Variants in TXN observed in about 807,000 individuals in gnomAD.
The protein encoded by TXN is ADF.
A neutral mutation model predicts 16.5 loss-of-function variants in TXN; 10 were observed. The ratio of observed to expected loss-of-function variants is 0.61; its 90% CI spans 0.37 to 1.03. The LOEUF is 1.03. Among genes scored for constraint, TXN ranks in the 50% least tolerant of loss-of-function variants. TXN has a pLI of 0.01. For missense variants in TXN, 71 were observed against 122.5 expected (o/e 0.58, Z 1.98); for synonymous variants, 35 against 39.4 (o/e 0.89, Z 0.42).
In TXN at chr9:110,256,348, G is replaced by A. The variant is rs920799167; in HGVS notation, c.24+64C>T. ...ACCGCCTTCCCCACCTCCCGCCACC[G>A]CCTTCCCCAGTTACAGAGGCCGCGC... On this transcript the variant is annotated intron_variant, in intron 1 of 4. Transcript: ENST00000374517. This position sits in a 1 kb window ranked among gnomAD's most constrained non-coding sequence, Gnocchi z 4.2. 6 of 1,367,854 alleles carry A rather than the reference G, an allele frequency of 4.4e-6. No individual in the cohort carries two copies. The highest frequency in any genetic ancestry group is 3.0e-5 in the African/African-American group (2 of 67,758). The allele number at this position is 1,367,854 out of a possible 1,614,324, so 84.7% of individuals were successfully genotyped here.
chr9:110,245,598 T>C (rs1300576514), intron 3 of TXN, among the ~76,000 whole-genome samples: 4 of 78,474 alleles, frequency 5.1e-5, no homozygotes, highest in African/African-American at 1.7e-4. Context: ...TGTGTGTATA[T>C]ATATACACAC....
chr9:110,253,318 G>A (rs951158625), intron 1 of TXN, among the ~76,000 whole-genome samples: 8 of 152,116 alleles, frequency 5.3e-5, no homozygotes, highest in African/African-American at 1.4e-4. Flanking sequence ...GCAAATCCCT[G>A]AACCCCACCT....
chr9:110,255,667 G>A (rs908164771), intron 1 of TXN, among the ~76,000 whole-genome samples: 1 of 152,208 alleles, frequency 6.6e-6, no homozygotes, highest in African/African-American at 2.4e-5. Context: ...GGAGTCCCGT[G>A]GGCGCGGCCC....
At position 110,256,504 on chromosome 9, in the gene TXN, C is replaced by A. The variant is rs1029517992; in HGVS notation, c.-69G>T. Reference sequence around the variant, plus strand: ...AATGGATCCAAAGCACCAAACAGAGCTTCAAGACTCGCTGCTTGCTCTCTC... The same window carrying A: ...AATGGATCCAAAGCACCAAACAGAGATTCAAGACTCGCTGCTTGCTCTCTC... On this transcript the variant is annotated 5_prime_UTR_variant, in exon 1 of 5. Transcript: ENST00000374517. The surrounding 1 kb of genome is among the most constrained non-coding windows in gnomAD (Gnocchi z 4.2). The A allele has an allele frequency of 7.4e-5, 113 of 1,524,448 alleles. No homozygotes were observed. Among genetic ancestry groups the A allele is most frequent in the Middle Eastern group, 5.1e-4 (3 of 5,932 alleles). 94.4% of individuals were successfully genotyped at this position (1,524,448 alleles called of 1,614,324 possible). A position where few individuals can be genotyped will look rare whatever the true frequency, so the allele number is the denominator to read the frequency against.
Position 110,244,036 on chromosome 9 carries a change from A to T in TXN, c.*121T>A. The T allele has an allele frequency of 2.5e-6, 1 of 406,182 alleles. No individual in the cohort carries two copies. The highest frequency in any genetic ancestry group is 4.3e-6 in the Non-Finnish European group (1 of 230,058). The allele number at this position is 406,182 out of a possible 1,614,324, so 25.2% of individuals were successfully genotyped here. ...GACGGTTTTAAAAAGTGTTAGCATT[A>T]ATGTTTTATTGTCACGCAGATGGCA... is the stretch of plus-strand genomic sequence containing the variant. On this transcript the variant is annotated 3_prime_UTR_variant, in exon 5 of 5. Transcript: ENST00000374517.
chr9:110,256,453 G>A lies in TXN; in HGVS notation c.-18C>T, dbSNP rs1308946829. The A allele has an allele frequency of 1.2e-6, 2 of 1,604,858 alleles. No homozygotes were observed. Among genetic ancestry groups the A allele is most frequent in the South Asian group, 1.1e-5 (1 of 89,576 alleles). On this transcript the variant is annotated 5_prime_UTR_variant, in exon 1 of 5. Coordinates refer to ENST00000374517, the MANE Select transcript of TXN (RefSeq NM_003329.4). The surrounding 1 kb of genome is among the most constrained non-coding windows in gnomAD (Gnocchi z 4.2). The stretch of plus-strand genomic sequence containing the variant: ...TTCACCATCTTGGCTGCTGGAGTCT[G>A]ACGAGCGGCTGTAAGGACCGATGGA...
chr9:110,247,400 G>A (rs1361322234), intron 3 of TXN, among the ~76,000 whole-genome samples: 1 of 151,754 alleles, frequency 6.6e-6, no homozygotes, highest in Non-Finnish European at 1.5e-5. Flanking sequence ...TCTGTCATAC[G>A]GAAGTCCTCG....
rs768254253 is a variant in TXN, at chr9:110,256,405, C to T, written c.24+7G>A. ...CCGGCACCCTGGCCTTCCCCGGTAG[C>T]GCGTACCTTGCTCTCGATCTGCTTC... is the stretch of plus-strand genomic sequence containing the variant. On this transcript the variant is annotated splice_region_variant and intron_variant, in intron 1 of 4. Transcript: ENST00000374517. This position sits in a 1 kb window ranked among gnomAD's most constrained non-coding sequence, Gnocchi z 4.2. 6.2e-7 allele frequency: 1 copy of T among 1,606,212 alleles called. No homozygotes were observed. The highest frequency in any genetic ancestry group is 1.1e-5 in the South Asian group (1 of 89,718).
At chr9:110,246,890 T>C (rs942487451) in intron 3 of TXN, among the ~76,000 whole-genome samples, 3 of 152,168 alleles carry the variant, frequency 2.0e-5, no homozygotes, top group African/African-American at 7.2e-5. Flanking sequence ...ATAAAATAAG[T>C]ATCATAACCC....
intron 3 of TXN, among the ~76,000 whole-genome samples, chr9:110,245,640 ATATATATATATATATT>A (rs1399519079): frequency 1.6e-4 from 5 of 30,494 alleles, no homozygotes; most frequent in African/African-American, 7.2e-4. Context: ...ATATATATAT[ATATATATATATATATT>A]TTTTTTTTTT....
At chr9:110,245,624 A>ACACACACAC (rs1564367354) in intron 3 of TXN, among the ~76,000 whole-genome samples, 2 of 19,326 alleles carry the variant, frequency 1.0e-4, no homozygotes, top group African/African-American at 4.9e-4. Context: ...CACACTATAT[A>ACACACACAC]TATATATATA....
intron 3 of TXN, among the ~76,000 whole-genome samples, chr9:110,250,326 A>G (rs1055936189): frequency 2.0e-5 from 3 of 152,226 alleles, no homozygotes; most frequent in African/African-American, 7.2e-5. Flanking sequence ...TTTCTTCCAA[A>G]TTATTCTCTC....
At chr9:110,245,775 G>C (rs968001743) in intron 3 of TXN, among the ~76,000 whole-genome samples, 5 of 149,048 alleles carry the variant, frequency 3.4e-5, no homozygotes, top group African/African-American at 1.2e-4. Context: ...TTACAGGTGT[G>C]AGCCACCACA....
Position 110,251,412 on chromosome 9 carries a change from AACT to A in TXN, c.72_74del (p.Val25del). 6.2e-7 allele frequency: 1 copy of A among 1,612,258 alleles called. No homozygotes were observed. Among genetic ancestry groups the A allele is most frequent in the Non-Finnish European group, 8.5e-7 (1 of 1,179,880 alleles). On this transcript the variant is annotated inframe_deletion, in exon 2 of 5. Transcript: ENST00000374517. ...GCCCACACCACGTGGCTGAGAAGTCAACTACTACAAGTTTATCACCTGCAGCGT... is the reference window on the plus strand; with the variant it reads ...GCCCACACCACGTGGCTGAGAAGTCAACTACAAGTTTATCACCTGCAGCGT...
chr9:110,245,654 A>ATTTTTTTT lies in TXN; in HGVS notation c.190-819_190-812dup, dbSNP rs1228829953. 5.0e-4 allele frequency among the ~76,000 whole-genome samples: 11 copies of ATTTTTTTT among 21,784 alleles called. 1 individual carries two copies. The highest frequency in any genetic ancestry group is 5.1e-3 in the East Asian group (2 of 390). 14.3% of individuals were successfully genotyped at this position (21,784 alleles called of 152,430 possible). A position where few individuals can be genotyped will look rare whatever the true frequency, so the allele number is the denominator to read the frequency against. On this transcript the variant is annotated intron_variant, in intron 3 of 4. Transcript: ENST00000374517. ...TATATATATATATATATATATATATATTTTTTTTTTTTTTTTTTTATAGGG... is the reference window on the plus strand; with the variant it reads ...TATATATATATATATATATATATATATTTTTTTTTTTTTTTTTTTTTTTTTTTATAGGG...
At chr9:110,255,254 T>G (rs1028097926) in intron 1 of TXN, among the ~76,000 whole-genome samples, 2 of 152,206 alleles carry the variant, frequency 1.3e-5, no homozygotes, top group African/African-American at 4.8e-5. Flanking sequence ...GGGTAGGCGC[T>G]GGCGAGGGGT....
chr9:110,252,695 A>C (rs980144614), intron 1 of TXN, among the ~76,000 whole-genome samples: 9 of 151,700 alleles, frequency 5.9e-5, no homozygotes, highest in Non-Finnish European at 1.3e-4. Flanking sequence ...CCCAGGCTGG[A>C]GTGCAAAGGC....
In TXN at chr9:110,249,727, G is replaced by C. The variant is rs575979893; in HGVS notation, c.189+1093C>G. Among the ~76,000 whole-genome samples, 7 of 152,264 alleles carry C rather than the reference G, an allele frequency of 4.6e-5. No individual in the cohort carries two copies. In the South Asian group the frequency reaches 8.3e-4, roughly 18 times the overall value. On this transcript the variant is annotated intron_variant, in intron 3 of 4. Transcript: ENST00000374517. The stretch of plus-strand genomic sequence containing the variant: ...TGTTGCGCCCTCCCATGTTTAGAGA[G>C]CACTGCCATATGCCTGTTTTAAGTG...
At chr9:110,250,308 C>T (rs920572232) in intron 3 of TXN, among the ~76,000 whole-genome samples, 4 of 152,170 alleles carry the variant, frequency 2.6e-5, no homozygotes, top group African/African-American at 4.8e-5. Context: ...ATACAACCAA[C>T]CCTGGAATTT....
Sources: allele counts gnomAD v4.1 joint callset (sites outside exome capture counted in the v4.1 genomes callset), GRCh38; gene constraint gnomAD v4.1.1; non-coding constraint Gnocchi (gnomAD v3.1); transcripts MANE v1.5; gene names NCBI Gene and HGNC (gene_info 2026-07-23, HGNC 2026-07-21).